The following UGT1A6 variants were observed in gnomAD, a reference collection of about 807,000 sequenced individuals.
The protein encoded by UGT1A6 is UDP-glucuronosyltransferase 1A6.
In UGT1A6, 32 loss-of-function variants were observed where a neutral mutation model predicts 44.4. The observed-to-expected ratio is 0.72, with a 90% CI of 0.54 to 0.97. UGT1A6 has a LOEUF of 0.97. UGT1A6 is among the 50% of genes least tolerant of loss of function. UGT1A6 has a pLI of 0.00. For synonymous variants in UGT1A6, 238 were observed against 248.5 expected (o/e 0.96, Z 0.40); for missense variants, 685 against 661.9 (o/e 1.03, Z -0.38).
chr2:233,745,242 T>C (rs1693050473), intron 1 of UGT1A6, among the ~76,000 whole-genome samples: 11 of 151,840 alleles, frequency 7.2e-5, no homozygotes, highest in Admixed American at 7.2e-4. Context: ...CTATTTACTG[T>C]ATCGAAACCA....
intron 1 of UGT1A6, chr2:233,729,685 T>C (rs1293517562): frequency 6.2e-7 from 1 of 1,613,978 alleles, no homozygotes; most frequent in Admixed American, 1.7e-5. Context: ...GGGCACACAG[T>C]GTCCAAACCC....
At position 233,692,988 on chromosome 2, in the gene UGT1A6, C is replaced by T; in HGVS notation, c.-17C>T. Reference sequence around the variant, plus strand: ...TGAAAACTCTTTATTACCGTTGTTACTTTAACTCTTTCCAGGATGGCCTGC... The same window carrying T: ...TGAAAACTCTTTATTACCGTTGTTATTTTAACTCTTTCCAGGATGGCCTGC... On this transcript the variant is annotated 5_prime_UTR_variant, in exon 1 of 5. Transcript: ENST00000305139. The T allele has an allele frequency of 6.2e-7, 1 of 1,613,764 alleles. No individual in the cohort carries two copies.
upstream of UGT1A6, chr2:233,691,866 A>G (rs45464992): frequency 3.3e-3 from 526 of 157,150 alleles, no homozygotes; most frequent in Non-Finnish European, 5.4e-3. Context: ...TATAATAAGA[A>G]ATATATGTTT....
Position 233,769,464 on chromosome 2 carries a change from CGTGTGTGT to C in UGT1A6, c.1301+1033_1301+1040del. 6.7e-7 allele frequency: 1 copy of C among 1,503,278 alleles called. No homozygotes were observed. The highest frequency in any genetic ancestry group is 9.1e-7 in the Non-Finnish European group (1 of 1,095,312). The allele number at this position is 1,503,278 out of a possible 1,614,324, so 93.1% of individuals were successfully genotyped here. A position where few individuals can be genotyped will look rare whatever the true frequency, so the allele number is the denominator to read the frequency against. Reference sequence around the variant, plus strand: ...GGGTGCACACGTGTGCATTCATATGCGTGTGTGTGTGTGTGCGTGTGTTTATGAGAGTG... The same window carrying C: ...GGGTGCACACGTGTGCATTCATATGCGTGTGTGCGTGTGTTTATGAGAGTG... On this transcript the variant is annotated intron_variant, in intron 4 of 4. Transcript: ENST00000305139. The surrounding 1 kb of genome is among the most constrained non-coding windows in gnomAD (Gnocchi z 4.4).
chr2:233,697,312 G>A (rs150627234), intron 1 of UGT1A6, among the ~76,000 whole-genome samples: 114 of 152,132 alleles, frequency 7.5e-4, no homozygotes, highest in African/African-American at 2.7e-3. Flanking sequence ...TTGGTAGATT[G>A]TTTGTGTTTG....
intron 1 of UGT1A6, among the ~76,000 whole-genome samples, chr2:233,735,366 G>C (rs2078646092): frequency 6.6e-6 from 1 of 151,988 alleles, no homozygotes; most frequent in Non-Finnish European, 1.5e-5. Context: ...TTGTTTGGTA[G>C]ATCTTCCTCC....
chr2:233,762,117 T>C (rs1697974110), intron 1 of UGT1A6, among the ~76,000 whole-genome samples: 1 of 152,230 alleles, frequency 6.6e-6, no homozygotes, highest in Non-Finnish European at 1.5e-5. Context: ...CTTCACATCA[T>C]GAGCCATGTG....
intron 1 of UGT1A6, among the ~76,000 whole-genome samples, chr2:233,695,422 CCTT>C (rs34487948): frequency 0.29 from 43,778 of 150,946 alleles, 6,669 homozygotes; most frequent in South Asian, 0.38. Context: ...CCGCGCCCGG[CCTT>C]CTTCTTCTTC....
rs773557629 is a variant in UGT1A6 at position 233,693,455 on chromosome 2, C to G, written c.451C>G (p.Pro151Ala). 6.2e-7 allele frequency: 1 copy of G among 1,614,054 alleles called. No individual in the cohort carries two copies. Among genetic ancestry groups the G allele is most frequent in the Non-Finnish European group, 8.5e-7 (1 of 1,180,022 alleles). Reference protein sequence around the residue: ...ESKFDALFTDPALPCGVILAE... With the variant: ...ESKFDALFTDAALPCGVILAE... ...CAAGTTTGATGCTCTTTTCACAGAC[C>G]CAGCCTTACCCTGTGGGGTGATCCT... The change falls in exon 1 of 5, where the codon CCA (proline) becomes GCA (alanine). Residue 151 changes from proline to alanine, a missense_variant. Pro to Ala is a conservative substitution (Grantham distance 27). Transcript: ENST00000305139.
chr2:233,772,833 T>TTTAC lies in UGT1A6; in HGVS notation c.*274_*275insTTAC. 1.1e-6 allele frequency: 1 copy of TTTAC among 879,514 alleles called. No homozygotes were observed. Among genetic ancestry groups the TTTAC allele is most frequent in the Non-Finnish European group, 1.6e-6 (1 of 630,664 alleles). The allele number at this position is 879,514 out of a possible 1,614,324, so 54.5% of individuals were successfully genotyped here. A position where few individuals can be genotyped will look rare whatever the true frequency, so the allele number is the denominator to read the frequency against. ...AGGACGTGCAGACAGGCTGGCATTC[T>TTTAC]AGATTACTTTTCTTACTCTGAAACA... On this transcript the variant is annotated 3_prime_UTR_variant, in exon 5 of 5. Transcript: ENST00000305139.
intron 1 of UGT1A6, chr2:233,713,447 C>A: frequency 6.2e-7 from 1 of 1,614,140 alleles, no homozygotes; most frequent in Non-Finnish European, 8.5e-7. Context: ...TTCTAACAGA[C>A]CCCTTTCACC....
chr2:233,763,329 T>A (rs752568926), intron 1 of UGT1A6, among the ~76,000 whole-genome samples: 30 of 152,234 alleles, frequency 2.0e-4, no homozygotes, highest in Non-Finnish European at 3.5e-4. Context: ...ATTATTTTTG[T>A]TTACATTTCC....
At chr2:233,693,908 G>T in intron 1 of UGT1A6, 43 bp downstream of exon 1, 1 of 1,612,956 alleles carries the variant, frequency 6.2e-7, no homozygotes, top group South Asian at 1.1e-5. Context: ...TTTCTTCCAG[G>T]CTCTGTCCTC....
chr2:233,752,390 G>A (rs1694961532), intron 1 of UGT1A6: 2 of 152,134 alleles, frequency 1.3e-5, no homozygotes, highest in Admixed American at 1.3e-4. Flanking sequence ...TGCAACAGAG[G>A]AAATGCCCCT....
rs923057819 is a variant in UGT1A6 at position 233,747,207 on chromosome 2, T to G, written c.862-19827T>G. ...TGGACAGTCAGCTGTCCGTGTCTTC[T>G]GCTGAGATGGCCACAGGACCCCAGG... On this transcript the variant is annotated intron_variant, in intron 1 of 4. Transcript: ENST00000305139. The G allele has an allele frequency of 3.1e-6, 5 of 1,605,116 alleles. No individual in the cohort carries two copies. In the African/African-American group the frequency reaches 4.0e-5, roughly 13 times the overall value.
chr2:233,723,516 CTT>C lies in UGT1A6; in HGVS notation c.861+29670_861+29671del, dbSNP rs1162916866. ...TGAGCCACTGCACCTGGTCAACAATCTTTTTTTTTTTTTTTTTTTTAATTTAT... is the reference window on the plus strand; with the variant it reads ...TGAGCCACTGCACCTGGTCAACAATCTTTTTTTTTTTTTTTTTTAATTTAT... On this transcript the variant is annotated intron_variant, in intron 1 of 4. Coordinates refer to ENST00000305139, the MANE Select transcript of UGT1A6 (RefSeq NM_001072.4). Among the ~76,000 whole-genome samples, 162 of 85,388 alleles carry C rather than the reference CTT, an allele frequency of 1.9e-3. 4 individuals are homozygous for C. The highest frequency in any genetic ancestry group is 7.1e-3 in the African/African-American group (146 of 20,564). The allele number at this position is 85,388 out of a possible 152,430, so 56.0% of individuals were successfully genotyped here.
chr2:233,772,707 C>G lies in UGT1A6; in HGVS notation c.*148C>G, dbSNP rs1471091659. 6.8e-7 allele frequency: 1 copy of G among 1,472,874 alleles called. No homozygotes were observed. Among genetic ancestry groups the G allele is most frequent in the African/African-American group, 1.4e-5 (1 of 70,352 alleles). The allele number at this position is 1,472,874 out of a possible 1,614,324, so 91.2% of individuals were successfully genotyped here. The stretch of plus-strand genomic sequence containing the variant: ...GCCCCAGAGTGCTTTAAAAAATTCT[C>G]TTAAATAAAAATAATAGACTCGCTA... On this transcript the variant is annotated 3_prime_UTR_variant, in exon 5 of 5. Coordinates refer to ENST00000305139, the MANE Select transcript of UGT1A6 (RefSeq NM_001072.4).
At chr2:233,752,443 A>C (rs2125915696) in intron 1 of UGT1A6, 1 of 152,338 alleles carries the variant, frequency 6.6e-6, no homozygotes, top group Non-Finnish European at 1.5e-5. Flanking sequence ...CTTTTATAAA[A>C]GATGAATACC....
rs528884709 is a variant in UGT1A6, at chr2:233,723,430, G to A, written c.861+29565G>A. Among the ~76,000 whole-genome samples the A allele has an allele frequency of 9.0e-5, 12 of 133,776 alleles. 1 individual carries two copies. In the South Asian group the frequency reaches 1.7e-3, roughly 19 times the overall value. 87.8% of individuals were successfully genotyped at this position (133,776 alleles called of 152,430 possible). On this transcript the variant is annotated intron_variant, in intron 1 of 4. Coordinates refer to ENST00000305139, the MANE Select transcript of UGT1A6 (RefSeq NM_001072.4). ...TCACCATACTGGTCAGGCTGGTCTC[G>A]AACTCCTGACCTCAGGTGATCCACC...
Sources: gnomAD v4.1 joint callset for allele counts (sites outside exome capture counted in the v4.1 genomes callset) on GRCh38, gnomAD v4.1.1 for gene constraint, Gnocchi (gnomAD v3.1) non-coding constraint, MANE v1.5 for transcripts, NCBI Gene and HGNC (gene_info 2026-07-23, HGNC 2026-07-21) for gene names.